FRMPD3: variants seen among roughly 807,000 people sequenced by gnomAD.
FRMPD3 encodes the protein FERM and PDZ domain containing 3, also known as FERM and PDZ domain-containing protein 3.
Under a neutral mutation model 97.9 loss-of-function variants are expected in FRMPD3, and 42 were observed. The observed-to-expected ratio is 0.43, with a 90% CI of 0.34 to 0.55. FRMPD3 has a LOEUF of 0.55. FRMPD3 is among the 20% of genes least tolerant of loss of function. FRMPD3 has a pLI of 0.03. For missense variants in FRMPD3, 1,303 were observed against 1,457.7 expected (o/e 0.89, Z 1.73); for synonymous variants, 577 against 581.1 (o/e 0.99, Z 0.10).
chrX:107,523,720 C>T (rs1922585860), intron 1 of FRMPD3, among the ~76,000 whole-genome samples: 1 of 112,405 alleles, frequency 8.9e-6, no homozygotes. Context: ...TCTGAGTAGG[C>T]ACTTGATAAA....
At chrX:107,590,132 C>T (rs12849095) in intron 13 of FRMPD3, among the ~76,000 whole-genome samples, 2 of 112,090 alleles carry the variant, frequency 1.8e-5, no homozygotes, top group Non-Finnish European at 3.8e-5. Flanking sequence ...TCCAGCCTGG[C>T]GACAGAGCAA....
chrX:107,472,559 C>A (rs1449616475), intron 1 of FRMPD3, among the ~76,000 whole-genome samples: 1 of 111,244 alleles, frequency 9.0e-6, no homozygotes, highest in East Asian at 2.8e-4. Context: ...GTGTGTGAAT[C>A]CTTCACCGGC....
At chrX:107,544,534 T>C (rs1440310139) in intron 4 of FRMPD3, 1 of 111,233 alleles carries the variant, frequency 9.0e-6, no homozygotes, top group Admixed American at 9.6e-5. Flanking sequence ...GGGAGTTTTG[T>C]CTGTCTTATT....
intron 12 of FRMPD3, among the ~76,000 whole-genome samples, chrX:107,566,993 C>T (rs1055023333): frequency 4.5e-5 from 5 of 111,812 alleles, no homozygotes; most frequent in African/African-American, 1.6e-4. Context: ...GCCTTTAAAG[C>T]ACAATATCAG....
In FRMPD3 at chrX:107,603,317, A is replaced by G. The variant is rs928245191; in HGVS notation, c.5278A>G (p.Thr1760Ala). Residue 1760 changes from threonine (T) to alanine (A), a missense_variant, in exon 15 of 15, where the codon ACT (threonine) becomes GCT (alanine). Around this residue, in one of 3 missense-constraint regions of FRMPD3, gnomAD observed 764 missense variants for 820.2 expected, o/e 0.93. Transcript: ENST00000683843. ...CACAGAGCATCCACCAGGCTCCCCA[A>G]CTTCGGCGACTGTTATGAGCACATT... is the stretch of plus-strand genomic sequence containing the variant. ...AATEHPPGSP[T>A]SATVMSTFTH... The G allele has an allele frequency of 2.7e-5, 30 of 1,105,405 alleles. No individual in the cohort carries two copies. In the African/African-American group the frequency reaches 5.9e-4, roughly 22 times the overall value. 91.1% of individuals were successfully genotyped at this position (1,105,405 alleles called of 1,213,427 possible). A position where few individuals can be genotyped will look rare whatever the true frequency, so the allele number is the denominator to read the frequency against.
intron 13 of FRMPD3, among the ~76,000 whole-genome samples, chrX:107,588,379 C>G (rs947393263): frequency 2.7e-5 from 3 of 110,374 alleles, no homozygotes; most frequent in Non-Finnish European, 5.7e-5. Context: ...CTCAGCCTCC[C>G]GAGTAGCTGG....
chrX:107,522,576 G>T, intron 1 of FRMPD3: 1 of 445,948 alleles, frequency 2.2e-6, no homozygotes, highest in Non-Finnish European at 3.9e-6. Context: ...GCCACTGTGG[G>T]TCTGTGCCTC....
chrX:107,459,954 C>T (rs1411394647), intron 1 of FRMPD3, among the ~76,000 whole-genome samples: 2 of 111,184 alleles, frequency 1.8e-5, no homozygotes, highest in African/African-American at 3.3e-5. Flanking sequence ...TGTCAATCAG[C>T]GGCCTCCAGC....
chrX:107,599,429 C>A (rs1212430727), intron 14 of FRMPD3, among the ~76,000 whole-genome samples: 1 of 110,659 alleles, frequency 9.0e-6, no homozygotes, highest in African/African-American at 3.3e-5. Flanking sequence ...TGTATTTGGC[C>A]CCCAGGGCTG....
chrX:107,522,135 C>A (rs146341932), intron 1 of FRMPD3, among the ~76,000 whole-genome samples: 2 of 110,867 alleles, frequency 1.8e-5, no homozygotes, highest in African/African-American at 6.6e-5. Flanking sequence ...GGACAGAGTA[C>A]GTTGCGGGGC....
intron 1 of FRMPD3, among the ~76,000 whole-genome samples, chrX:107,513,641 G>C (rs1922224157): frequency 8.9e-6 from 1 of 111,882 alleles, no homozygotes; most frequent in African/African-American, 3.3e-5. Flanking sequence ...GAGATGTTGA[G>C]GGGTTTCTCC....
chrX:107,519,315 G>A (rs1441445963), intron 1 of FRMPD3, among the ~76,000 whole-genome samples: 2 of 111,171 alleles, frequency 1.8e-5, no homozygotes, highest in African/African-American at 6.6e-5. Context: ...AGGCAATATG[G>A]CAAAACCCCA....
Position 107,550,122 on chromosome X carries a change from A to G in FRMPD3, c.476A>G (p.Lys159Arg). ...GTTTTCTTAGAAAATGGGCAGATCA[A>G]GTCATTCACATTTGATGGTCGGACC... ...LKVFLENGQI[K>R]SFTFDGRTTV... Residue 159 changes from lysine to arginine, a missense_variant, in exon 6 of 15, where the codon AAG becomes AGG. Transcript: ENST00000683843. 3 of 1,202,349 alleles carry G rather than the reference A, an allele frequency of 2.5e-6. No homozygotes were observed. The highest frequency in any genetic ancestry group is 3.4e-6 in the Non-Finnish European group (3 of 888,516).
At position 107,602,744 on chromosome X, in the gene FRMPD3, A is replaced by G. The variant is rs745768139; in HGVS notation, c.4705A>G (p.Thr1569Ala). 3 of 1,209,075 alleles carry G rather than the reference A, an allele frequency of 2.5e-6. No individual in the cohort carries two copies. Among genetic ancestry groups the G allele is most frequent in the Non-Finnish European group, 3.4e-6 (3 of 894,945 alleles). ...RTQEIDLRVSTFEGSLAKINA... is the reference protein window; with the variant it reads ...RTQEIDLRVSAFEGSLAKINA... Reference sequence around the variant, plus strand: ...TCAGGAGATTGACCTCCGTGTGTCCACCTTCGAGGGGAGCCTGGCCAAGAT... The same window carrying G: ...TCAGGAGATTGACCTCCGTGTGTCCGCCTTCGAGGGGAGCCTGGCCAAGAT... The change falls in exon 15 of 15, where the codon ACC becomes GCC. Residue 1569 changes from threonine to alanine, a missense_variant. Transcript: ENST00000683843.
At chrX:107,470,782 T>C (rs960944684) in intron 1 of FRMPD3, among the ~76,000 whole-genome samples, 1 of 111,725 alleles carries the variant, frequency 9.0e-6, no homozygotes, top group African/African-American at 3.3e-5. Flanking sequence ...AAATGAAAAA[T>C]TGGAATCTCC....
chrX:107,601,473 C>G lies in FRMPD3; in HGVS notation c.3434C>G (p.Pro1145Arg). 8.5e-7 allele frequency: 1 copy of G among 1,170,768 alleles called. No homozygotes were observed. The highest frequency in any genetic ancestry group is 1.1e-6 in the Non-Finnish European group (1 of 875,592). ...AGCTGCCAGTCAAGAAGCCACAGCC[C>G]CAGCTGCCAGCCTCATGGCCACAGC... Reference protein sequence around the residue: ...SPSCQSRSHSPSCQPHGHSPS... With the variant: ...SPSCQSRSHSRSCQPHGHSPS... The change falls in exon 15 of 15, where the codon CCC becomes CGC. Residue 1145 changes from proline (P) to arginine (R), a missense_variant. Pro to Arg is a moderately radical substitution (Grantham distance 103). Coordinates refer to ENST00000683843, the MANE Select transcript of FRMPD3 (RefSeq NM_001388459.1).
intron 13 of FRMPD3, among the ~76,000 whole-genome samples, chrX:107,588,862 T>C (rs1266751752): frequency 9.0e-6 from 1 of 111,438 alleles, no homozygotes; most frequent in Non-Finnish European, 1.9e-5. Flanking sequence ...TTCCACTTGG[T>C]TGATTCAGCT....
chrX:107,553,956 G>A (rs1921971888), intron 7 of FRMPD3, among the ~76,000 whole-genome samples: 1 of 112,120 alleles, frequency 8.9e-6, no homozygotes, highest in South Asian at 3.7e-4. Flanking sequence ...TGTTTCATCT[G>A]TACCTTGAAA....
intron 1 of FRMPD3, among the ~76,000 whole-genome samples, chrX:107,511,331 C>T (rs916313559): frequency 5.3e-5 from 6 of 112,339 alleles, no homozygotes; most frequent in African/African-American, 1.3e-4. Flanking sequence ...CAGTGCCCTC[C>T]GTCTCCACTT....
Sources: allele counts gnomAD v4.1 joint callset (sites outside exome capture counted in the v4.1 genomes callset), GRCh38; gene constraint gnomAD v4.1.1; regional missense constraint gnomAD v4.1.1; transcripts MANE v1.5; gene names NCBI Gene and HGNC (gene_info 2026-07-23, HGNC 2026-07-21).